CSNK2A2IP: variants seen among roughly 807,000 people sequenced by gnomAD.
The protein encoded by CSNK2A2IP is casein kinase II subunit alpha'-interacting protein.
chr3:88,350,373 CT>C, the CSNK2A2IP span, among the ~76,000 whole-genome samples: 1 of 152,000 alleles, frequency 6.6e-6, no homozygotes, highest in Non-Finnish European at 1.5e-5. Context: ...TGAAGGAAAG[CT>C]TTTTTGTAGA....
chr3:88,464,865 C>T, the CSNK2A2IP span, among the ~76,000 whole-genome samples: 1 of 151,884 alleles, frequency 6.6e-6, no homozygotes, highest in African/African-American at 2.4e-5. Flanking sequence ...TTCTTTAGCC[C>T]AATAAGTTAA....
At chr3:88,349,071 C>G in the CSNK2A2IP span, among the ~76,000 whole-genome samples, 1 of 152,000 alleles carries the variant, frequency 6.6e-6, no homozygotes, top group Non-Finnish European at 1.5e-5. Flanking sequence ...CTTGATGTTT[C>G]TCTCCCCCTT....
the CSNK2A2IP span, among the ~76,000 whole-genome samples, chr3:88,352,049 C>G: frequency 6.6e-6 from 1 of 152,130 alleles, no homozygotes; most frequent in South Asian, 2.1e-4. Flanking sequence ...CAGTAGCCAA[C>G]AGTTGAATAT....
At chr3:88,342,042 T>G in the CSNK2A2IP span, among the ~76,000 whole-genome samples, 1 of 152,018 alleles carries the variant, frequency 6.6e-6, no homozygotes, top group Non-Finnish European at 1.5e-5. Context: ...TTTTAAGTGT[T>G]TTTGTTTGAT....
the CSNK2A2IP span, among the ~76,000 whole-genome samples, chr3:88,360,045 T>C: frequency 2.0e-5 from 3 of 152,158 alleles, no homozygotes; most frequent in African/African-American, 7.2e-5. Context: ...GCTTCAGTGT[T>C]GGGTGTATAT....
the CSNK2A2IP span, among the ~76,000 whole-genome samples, chr3:88,435,920 A>T: frequency 1.1e-5 from 1 of 92,142 alleles, no homozygotes; most frequent in African/African-American, 4.9e-5. Flanking sequence ...TATATATATA[A>T]TGCACATTAT....
the CSNK2A2IP span, among the ~76,000 whole-genome samples, chr3:88,386,123 A>ATT: frequency 1.3e-5 from 2 of 148,962 alleles, no homozygotes; most frequent in African/African-American, 2.5e-5. Flanking sequence ...TTTCTATGCT[A>ATT]TTTTTTTTTT....
At chr3:88,358,594 G>T in the CSNK2A2IP span, among the ~76,000 whole-genome samples, 7 of 151,970 alleles carry the variant, frequency 4.6e-5, 1 homozygote, top group Non-Finnish European at 8.8e-5. Context: ...TGTTGAAATT[G>T]TCAGATGGTT....
At chr3:88,404,363 G>A in the CSNK2A2IP span, among the ~76,000 whole-genome samples, 203 of 152,180 alleles carry the variant, frequency 1.3e-3, 1 homozygote, top group South Asian at 0.01. Flanking sequence ...CAGAGACTGC[G>A]GTAATAAGAA....
the CSNK2A2IP span, among the ~76,000 whole-genome samples, chr3:88,446,038 C>CTTTGTTTCT: frequency 5.4e-3 from 61 of 11,324 alleles, 3 homozygotes; most frequent in Non-Finnish European, 4.6e-3. Context: ...TCTTTTCTTT[C>CTTTGTTTCT]TTTCTTTCTT....
chr3:88,409,623 CA>C, the CSNK2A2IP span, among the ~76,000 whole-genome samples: 1 of 151,900 alleles, frequency 6.6e-6, no homozygotes, highest in Non-Finnish European at 1.5e-5. Flanking sequence ...TGTATAGGGA[CA>C]AAAAATATTC....
At chr3:88,346,754 C>G in the CSNK2A2IP span, among the ~76,000 whole-genome samples, 1 of 151,916 alleles carries the variant, frequency 6.6e-6, no homozygotes, top group Non-Finnish European at 1.5e-5. Flanking sequence ...TCTGATGGAA[C>G]TGTACAAGGA....
At chr3:88,446,035 TTTCTTTCTTTC>T in the CSNK2A2IP span, among the ~76,000 whole-genome samples, 4 of 4,324 alleles carry the variant, frequency 9.3e-4, no homozygotes, top group East Asian at 5.4e-3. Flanking sequence ...GTTTCTTTTC[TTTCTTTCTTTC>T]TTTCTTTCTT....
At chr3:88,433,816 A>G in the CSNK2A2IP span, among the ~76,000 whole-genome samples, 1 of 152,146 alleles carries the variant, frequency 6.6e-6, no homozygotes. Context: ...GATCTTGATT[A>G]CTTATAGCTG....
chr3:88,395,062 C>T, the CSNK2A2IP span, among the ~76,000 whole-genome samples: 75 of 152,304 alleles, frequency 4.9e-4, no homozygotes, highest in African/African-American at 1.7e-3. Flanking sequence ...GTTCTGTTTA[C>T]GCATATGTGC....
chr3:88,461,459 A>T, the CSNK2A2IP span, among the ~76,000 whole-genome samples: 2 of 152,148 alleles, frequency 1.3e-5, no homozygotes, highest in Admixed American at 1.3e-4. Context: ...AGGCTGAAGC[A>T]GGAGAATGGC....
At chr3:88,352,344 C>A in the CSNK2A2IP span, among the ~76,000 whole-genome samples, 2 of 152,054 alleles carry the variant, frequency 1.3e-5, no homozygotes, top group Non-Finnish European at 2.9e-5. Flanking sequence ...ATTGAGAATG[C>A]ACCCTTTGAA....
the CSNK2A2IP span, among the ~76,000 whole-genome samples, chr3:88,400,019 G>A: frequency 6.6e-5 from 10 of 152,168 alleles, no homozygotes; most frequent in Admixed American, 6.5e-4. Context: ...ATCATAAAAT[G>A]AAGCATATAA....
At chr3:88,365,091 G>A in the CSNK2A2IP span, among the ~76,000 whole-genome samples, 2 of 152,236 alleles carry the variant, frequency 1.3e-5, no homozygotes, top group East Asian at 1.9e-4. Context: ...GATCCAAGCA[G>A]CCTGATTTAA....
Sources: gnomAD v4.1 joint callset for allele counts (sites outside exome capture counted in the v4.1 genomes callset) on GRCh38, gnomAD v4.1.1 for gene constraint, MANE v1.5 for transcripts, NCBI Gene and HGNC (gene_info 2026-07-23, HGNC 2026-07-21) for gene names.